The following ANKRD44 variants were observed in gnomAD, a reference collection of about 807,000 sequenced individuals.
ANKRD44 encodes the protein serine/threonine-protein phosphatase 6 regulatory ankyrin repeat subunit B.
Under a neutral mutation model 116.0 loss-of-function variants are expected in ANKRD44, and 35 were observed. The observed-to-expected ratio is 0.30, with a 90% CI of 0.23 to 0.40. The LOEUF is 0.40. Among genes scored for constraint, ANKRD44 ranks in the 10% least tolerant of loss-of-function variants. The probability of loss-of-function intolerance (pLI) is 1.00; values close to 1 mark genes in which losing one functional copy is unlikely to be tolerated. For synonymous variants in ANKRD44, 435 were observed against 461.8 expected (o/e 0.94, Z 0.74); for missense variants, 1,014 against 1,242.6 (o/e 0.82, Z 2.77).
intron 12 of ANKRD44, 54 bp downstream of exon 12, chr2:197,088,654 AAGT>A: frequency 9.3e-7 from 1 of 1,071,494 alleles, no homozygotes; most frequent in East Asian, 2.8e-5. Flanking sequence ...AACTTAAGTC[AAGT>A]CAATAAAGAT....
intron 21 of ANKRD44, 64 bp from the exon 22 acceptor site, chr2:197,001,904 T>G (rs2076122057): frequency 8.1e-7 from 1 of 1,229,272 alleles, no homozygotes; most frequent in African/African-American, 1.5e-5. Flanking sequence ...CCCAATCTGC[T>G]TTTTCATTAA....
chr2:197,207,272 A>C (rs1441956510), intron 1 of ANKRD44, among the ~76,000 whole-genome samples: 1 of 152,214 alleles, frequency 6.6e-6, no homozygotes, highest in African/African-American at 2.4e-5. Flanking sequence ...TTCAGGTTGC[A>C]GTCCTAGTTC....
intron 16 of ANKRD44, among the ~76,000 whole-genome samples, chr2:197,051,446 T>A (rs1460790452): frequency 2.0e-5 from 3 of 152,144 alleles, no homozygotes; most frequent in Non-Finnish European, 4.4e-5. Flanking sequence ...CAGGCTGGAG[T>A]GCAGTGGCAC....
intron 9 of ANKRD44, among the ~76,000 whole-genome samples, chr2:197,110,069 C>T (rs1050632277): frequency 5.9e-5 from 9 of 152,180 alleles, no homozygotes; most frequent in East Asian, 5.8e-4. Flanking sequence ...TTCCTCCTCC[C>T]GAGTTCAAGC....
intron 1 of ANKRD44, among the ~76,000 whole-genome samples, chr2:197,247,011 C>T (rs1474922181): frequency 1.3e-5 from 2 of 152,170 alleles, no homozygotes; most frequent in African/African-American, 4.8e-5. Flanking sequence ...TTTCCAGTCT[C>T]GTTTCTCTTT....
rs530815430 is a variant in ANKRD44, at chr2:197,272,508, T to C, written c.27+38070A>G. Among the ~76,000 whole-genome samples, 3 of 152,344 alleles carry C rather than the reference T, an allele frequency of 2.0e-5. No homozygotes were observed. In the East Asian group the frequency reaches 5.8e-4, roughly 29 times the overall value. On this transcript the variant is annotated intron_variant, in intron 1 of 27. Transcript: ENST00000282272. ...GCCTTGGCCTCCCAAAGTGCTGGGA[T>C]TACAGGCGTGAGCCAATGCGCCTGG...
At chr2:197,184,883 G>A (rs1051539675) in intron 2 of ANKRD44, among the ~76,000 whole-genome samples, 11 of 152,124 alleles carry the variant, frequency 7.2e-5, no homozygotes, top group Admixed American at 5.2e-4. Context: ...ATCTAATTCA[G>A]TGATAAGTTA....
chr2:197,090,732 A>G (rs1015130354), intron 10 of ANKRD44, among the ~76,000 whole-genome samples: 1 of 152,126 alleles, frequency 6.6e-6, no homozygotes, highest in African/African-American at 2.4e-5. Flanking sequence ...CTCCCCCACC[A>G]AATCCTGTGC....
chr2:196,998,275 G>A (rs1042020394), intron 25 of ANKRD44, 62 bp downstream of exon 25: 3 of 1,241,964 alleles, frequency 2.4e-6, no homozygotes, highest in Non-Finnish European at 3.5e-6. Context: ...TAGAATTTCA[G>A]TGTTATTATT....
intron 9 of ANKRD44, among the ~76,000 whole-genome samples, chr2:197,109,019 C>T (rs2078503265): frequency 1.3e-5 from 2 of 152,188 alleles, no homozygotes; most frequent in East Asian, 1.9e-4. Context: ...AGAGGAGATG[C>T]GTCATAGAGA....
chr2:197,063,604 T>C (rs1454340607), intron 16 of ANKRD44, among the ~76,000 whole-genome samples: 1 of 152,136 alleles, frequency 6.6e-6, no homozygotes, highest in Non-Finnish European at 1.5e-5. Context: ...AGAGAAGTCT[T>C]TAAATGACCT....
intron 1 of ANKRD44, among the ~76,000 whole-genome samples, chr2:197,248,163 G>A (rs1258923871): frequency 1.3e-5 from 2 of 152,258 alleles, no homozygotes; most frequent in African/African-American, 2.4e-5. Flanking sequence ...AACCTGGTTC[G>A]CTTTATGTGT....
intron 8 of ANKRD44, among the ~76,000 whole-genome samples, chr2:197,112,391 G>A (rs1403074119): frequency 6.6e-6 from 1 of 152,202 alleles, no homozygotes; most frequent in African/African-American, 2.4e-5. Context: ...GCCCACGTCT[G>A]AATCACCCAG....
At chr2:197,008,315 A>G (rs561217402) in intron 19 of ANKRD44, among the ~76,000 whole-genome samples, 32 of 152,306 alleles carry the variant, frequency 2.1e-4, no homozygotes, top group African/African-American at 7.0e-4. Flanking sequence ...GACTTCTGCT[A>G]AAGATTTCAT....
At chr2:197,017,964 A>G (rs919628486) in intron 17 of ANKRD44, among the ~76,000 whole-genome samples, 5 of 152,208 alleles carry the variant, frequency 3.3e-5, no homozygotes, top group Non-Finnish European at 5.9e-5. Flanking sequence ...TCACATGGAG[A>G]TGTCATTAGG....
rs1427235259 is a variant in ANKRD44 at position 197,020,816 on chromosome 2, T to TAA, written c.1722+4379_1722+4380insTT. Among the ~76,000 whole-genome samples the TAA allele has an allele frequency of 8.7e-4, 132 of 151,390 alleles. 2 individuals carry two copies. Among genetic ancestry groups the TAA allele is most frequent in the African/African-American group, 3.1e-3 (126 of 40,708 alleles). ...TATATGGAGTTTTTTATTATTATTA[T>TAA]ACTTTAAGTTCTAGGGTACATGTGC... On this transcript the variant is annotated intron_variant, in intron 17 of 27. Coordinates refer to ENST00000282272, the MANE Select transcript of ANKRD44 (RefSeq NM_001195144.2).
chr2:197,135,837 G>A (rs984409842), intron 4 of ANKRD44: 10 of 152,360 alleles, frequency 6.6e-5, no homozygotes, highest in African/African-American at 2.4e-4. Flanking sequence ...CCCCTACTAG[G>A]TACTAAATCC....
intron 18 of ANKRD44, among the ~76,000 whole-genome samples, chr2:197,011,818 A>C (rs1328797370): frequency 6.6e-6 from 1 of 152,124 alleles, no homozygotes; most frequent in Non-Finnish European, 1.5e-5. Context: ...CCAAACTTAA[A>C]TTCTCTTTGG....
At chr2:197,106,902 A>G (rs1559067723) in intron 9 of ANKRD44, among the ~76,000 whole-genome samples, 1 of 151,674 alleles carries the variant, frequency 6.6e-6, no homozygotes, top group Non-Finnish European at 1.5e-5. Flanking sequence ...TATAAACAGC[A>G]CCTCTAGATA....
Sources: gnomAD v4.1 joint callset for allele counts (sites outside exome capture counted in the v4.1 genomes callset) on GRCh38, gnomAD v4.1.1 for gene constraint, MANE v1.5 for transcripts, NCBI Gene and HGNC (gene_info 2026-07-23, HGNC 2026-07-21) for gene names.